Variants in CDH7 observed in about 807,000 individuals in gnomAD.
The protein encoded by CDH7 is cadherin-7.
A neutral mutation model predicts 71.8 loss-of-function variants in CDH7; 25 were observed. The ratio of observed to expected loss-of-function variants is 0.35; its 90% CI spans 0.25 to 0.49. CDH7 has a LOEUF of 0.49. Ranked by LOEUF, CDH7 falls within the 20% of genes least tolerant of loss-of-function variation. CDH7 has a pLI of 0.99. For synonymous variants in CDH7, 381 were observed against 363.8 expected (o/e 1.05, Z -0.54); for missense variants, 862 against 974.6 (o/e 0.88, Z 1.54).
At position 65,861,811 on chromosome 18, in the gene CDH7, A is replaced by T. The variant is rs1913573942; in HGVS notation, c.1613-855A>T. Among the ~76,000 whole-genome samples, 5 of 152,138 alleles carry T rather than the reference A, an allele frequency of 3.3e-5. 1 individual carries two copies. The highest frequency in any genetic ancestry group is 3.3e-4 in the Admixed American group (5 of 15,274). ...TTTGGAAGAGAGAAAAATAGATAAA[A>T]GCACACTGCATGAAACTCTGATCCT... On this transcript the variant is annotated intron_variant, in intron 10 of 11. Transcript: ENST00000397968.
At chr18:65,756,206 A>G (rs549852956) in intron 1 of CDH7, among the ~76,000 whole-genome samples, 3 of 152,252 alleles carry the variant, frequency 2.0e-5, no homozygotes, top group African/African-American at 4.8e-5. Flanking sequence ...TTTCCCCCCA[A>G]TAGCTCAACA....
At chr18:65,832,460 T>C (rs964066178) in intron 6 of CDH7, among the ~76,000 whole-genome samples, 2 of 152,084 alleles carry the variant, frequency 1.3e-5, no homozygotes, top group Non-Finnish European at 2.9e-5. Flanking sequence ...TATGACAAAA[T>C]ATGCAGAATC....
chr18:65,823,127 T>C (rs1911997562), intron 5 of CDH7, among the ~76,000 whole-genome samples: 1 of 151,876 alleles, frequency 6.6e-6, no homozygotes, highest in African/African-American at 2.4e-5. Context: ...TCTGAGCAAA[T>C]ACAAGTGTCA....
At chr18:65,845,678 G>A (rs1425049303) in intron 7 of CDH7, among the ~76,000 whole-genome samples, 1 of 151,942 alleles carries the variant, frequency 6.6e-6, no homozygotes, top group Non-Finnish European at 1.5e-5. Context: ...TTAATTTAAT[G>A]GAAAGAAAGA....
At position 65,814,367 on chromosome 18, in the gene CDH7, A is replaced by G. The variant is rs986271831; in HGVS notation, c.506-118A>G. ...TGTATCCATTTTTTTATGTGTCTTG[A>G]AAAAGATAAATGAAAATTTTCAAAT... On this transcript the variant is annotated intron_variant, in intron 3 of 11. Coordinates refer to ENST00000397968, the MANE Select transcript of CDH7 (RefSeq NM_004361.5). 3.4e-6 allele frequency: 4 copies of G among 1,175,618 alleles called. No homozygotes were observed. The African/African-American group carries it at 4.6e-5, about 13-fold the overall frequency. 72.8% of individuals were successfully genotyped at this position (1,175,618 alleles called of 1,614,324 possible). A position where few individuals can be genotyped will look rare whatever the true frequency, so the allele number is the denominator to read the frequency against.
rs1213227627 is a variant in CDH7, at chr18:65,782,157, TCTTTCTTC to T, written c.210+19113_210+19120del. Among the ~76,000 whole-genome samples the T allele has an allele frequency of 9.8e-4, 110 of 112,652 alleles. 12 individuals carry two copies. Among genetic ancestry groups the T allele is most frequent in the African/African-American group, 4.4e-3 (104 of 23,614 alleles). The allele number at this position is 112,652 out of a possible 152,430, so 73.9% of individuals were successfully genotyped here. A position where few individuals can be genotyped will look rare whatever the true frequency, so the allele number is the denominator to read the frequency against. On this transcript the variant is annotated intron_variant, in intron 2 of 11. Coordinates refer to ENST00000397968, the MANE Select transcript of CDH7 (RefSeq NM_004361.5). ...TTCTTTCTTTCTTTCTTTCTTTCTT[TCTTTCTTC>T]CTTTCTTTCTTTCTTTCTTTCTTGA...
At chr18:65,787,562 A>G (rs1423443114) in intron 2 of CDH7, among the ~76,000 whole-genome samples, 1 of 152,218 alleles carries the variant, frequency 6.6e-6, no homozygotes. Context: ...GAGGGTCCAG[A>G]CAGAAAAAGG....
rs1051402570 is a variant in CDH7 at position 65,815,101 on chromosome 18, A to T, written c.625+497A>T. Among the ~76,000 whole-genome samples the T allele has an allele frequency of 2.0e-5, 3 of 152,080 alleles. 1 individual carries two copies. Among genetic ancestry groups the T allele is most frequent in the South Asian group, 4.1e-4 (2 of 4,824 alleles). On this transcript the variant is annotated intron_variant, in intron 4 of 11. Transcript: ENST00000397968. ...ATCAAAAACTAAACTAAATATATAT[A>T]TTTTTTTAATTTGGGGGAACAATTT...
At chr18:65,776,630 TTCTC>T (rs1037754433) in intron 2 of CDH7, among the ~76,000 whole-genome samples, 1 of 152,150 alleles carries the variant, frequency 6.6e-6, no homozygotes, top group Non-Finnish European at 1.5e-5. Context: ...CTCTCCTTCT[TTCTC>T]TCTCTTTTTC....
chr18:65,794,315 A>G (rs1568188716), intron 2 of CDH7, among the ~76,000 whole-genome samples: 1 of 152,134 alleles, frequency 6.6e-6, no homozygotes, highest in Non-Finnish European at 1.5e-5. Flanking sequence ...CCAGAGAAGA[A>G]TAGCGATGTG....
chr18:65,859,593 T>C (rs1232324936), intron 9 of CDH7, 115 bp from the exon 10 acceptor site: 1 of 656,030 alleles, frequency 1.5e-6, no homozygotes, highest in Non-Finnish European at 2.8e-6. Context: ...CCTTTCTCCC[T>C]AGCTCATTCA....
rs1311586929 is a variant in CDH7, at chr18:65,886,080, C to T, written c.*5186C>T. On this transcript the variant is annotated 3_prime_UTR_variant, in exon 12 of 12. Coordinates refer to ENST00000397968, the MANE Select transcript of CDH7 (RefSeq NM_004361.5). ...ATCTAGGTCAGAAGCTCAGTTTCGC[C>T]ACATTTTTGCTGTGCCCTAGATGCC... The T allele has an allele frequency of 6.6e-6, 1 of 152,064 alleles. No homozygotes were observed. The highest frequency in any genetic ancestry group is 1.5e-5 in the Non-Finnish European group (1 of 68,012). 9.4% of individuals were successfully genotyped at this position (152,064 alleles called of 1,614,324 possible). A position where few individuals can be genotyped will look rare whatever the true frequency, so the allele number is the denominator to read the frequency against.
intron 4 of CDH7, among the ~76,000 whole-genome samples, chr18:65,815,848 C>T (rs1022795576): frequency 3.9e-5 from 6 of 152,270 alleles, no homozygotes; most frequent in African/African-American, 1.4e-4. Context: ...CAAACACCCA[C>T]CTCTTCCCTT....
At chr18:65,857,973 C>G (rs1022294895) in intron 8 of CDH7, 21 bp downstream of exon 8, 11 of 1,610,176 alleles carry the variant, frequency 6.8e-6, no homozygotes, top group Admixed American at 6.7e-5. Context: ...AGGCTTAAAA[C>G]TAAATTAAGA....
At chr18:65,762,362 A>G (rs1481832231) in intron 1 of CDH7, among the ~76,000 whole-genome samples, 1 of 152,218 alleles carries the variant, frequency 6.6e-6, no homozygotes, top group East Asian at 1.9e-4. Context: ...AAAATAAACC[A>G]TATGCTCAAA....
chr18:65,786,744 T>C (rs1401902805), intron 2 of CDH7, among the ~76,000 whole-genome samples: 3 of 152,076 alleles, frequency 2.0e-5, no homozygotes. Context: ...AGTGCAGTGG[T>C]GCAGTCATAG....
chr18:65,812,697 G>T (rs187082565), intron 3 of CDH7, among the ~76,000 whole-genome samples: 1 of 152,134 alleles, frequency 6.6e-6, no homozygotes, highest in Non-Finnish European at 1.5e-5. Context: ...ATATGTGTGT[G>T]TATCTGGTGT....
chr18:65,786,724 C>G (rs934538084), intron 2 of CDH7, among the ~76,000 whole-genome samples: 1 of 151,994 alleles, frequency 6.6e-6, no homozygotes, highest in Non-Finnish European at 1.5e-5. Context: ...TGCTTTGTTG[C>G]CCAGGCCGGA....
chr18:65,852,764 GAAGT>G (rs1053248942), intron 7 of CDH7, among the ~76,000 whole-genome samples: 4 of 152,058 alleles, frequency 2.6e-5, no homozygotes, highest in Non-Finnish European at 4.4e-5. Context: ...CTCTTAACAA[GAAGT>G]AAGAGAAATA....
Sources: allele counts gnomAD v4.1 joint callset (sites outside exome capture counted in the v4.1 genomes callset), GRCh38; gene constraint gnomAD v4.1.1; transcripts MANE v1.5; gene names NCBI Gene and HGNC (gene_info 2026-07-23, HGNC 2026-07-21).